Variants in TNPO1 observed in about 807,000 individuals in gnomAD.
TNPO1 encodes the protein transportin 1.
TNPO1 carries 8 observed loss-of-function variants against 119.5 expected under a neutral mutation model. The ratio of observed to expected loss-of-function variants is 0.07; its 90% CI spans 0.04 to 0.12. TNPO1 has a LOEUF of 0.12. Among genes scored for constraint, TNPO1 ranks in the 10% least tolerant of loss-of-function variants. The pLI is 1.00. For synonymous variants in TNPO1, 362 were observed against 363.0 expected, an observed-to-expected ratio of 1.00 and a Z score of 0.03; for missense variants, 576 against 1,089.8, an observed-to-expected ratio of 0.53 and a Z score of 6.64.
chr5:72,861,231 G>A (rs987704865), intron 4 of TNPO1, among the ~76,000 whole-genome samples: 2 of 151,494 alleles, frequency 1.3e-5, no homozygotes, highest in African/African-American at 4.9e-5. Context: ...ATTTTAATTG[G>A]TGGAGCTATT....
intron 21 of TNPO1, 163 bp from the exon 22 acceptor site, chr5:72,900,811 C>T (rs370706470): frequency 1.9e-5 from 8 of 426,268 alleles, no homozygotes; most frequent in Admixed American, 8.6e-5. Flanking sequence ...ATGGGCCCAA[C>T]AAACAGGAAG....
intron 3 of TNPO1, among the ~76,000 whole-genome samples, chr5:72,854,180 A>G (rs1373344438): frequency 1.3e-5 from 2 of 152,186 alleles, no homozygotes; most frequent in Non-Finnish European, 2.9e-5. Context: ...CATTTATTTC[A>G]TGGCAGTTTT....
intron 9 of TNPO1, chr5:72,879,039 A>C: frequency 3.0e-6 from 1 of 336,802 alleles, no homozygotes; most frequent in Non-Finnish European, 6.1e-6. Context: ...TTTTATGTAC[A>C]TAAGCACATC....
rs1745261143 is a variant in TNPO1 at position 72,848,478 on chromosome 5, A to G, written c.109A>G (p.Ile37Val). 1 of 1,608,214 alleles carries G rather than the reference A, an allele frequency of 6.2e-7. No homozygotes were observed. The highest frequency in any genetic ancestry group is 8.5e-7 in the Non-Finnish European group (1 of 1,176,848). ...LKESQSPDTTIQRTVQQKLEQ... is the reference protein window; with the variant it reads ...LKESQSPDTTVQRTVQQKLEQ... ...GGAGTCCCAGTCCCCAGACACCACC[A>G]TCCAGAGAACCGTGCAACAAGTATC... Residue 37 changes from isoleucine to valine, a missense_variant, in exon 2 of 25, where the codon ATC becomes GTC. Physicochemically the swap from Ile to Val is conservative, Grantham distance 29. This residue lies in a region of TNPO1 where 57 missense variants were observed against 59.5 expected (regional missense o/e 0.96). Transcript: ENST00000337273.
rs1750747826 is a variant in TNPO1, at chr5:72,914,387, T to C, written c.*5714T>C. 6.6e-6 allele frequency: 1 copy of C among 152,640 alleles called. No homozygotes were observed. The highest frequency in any genetic ancestry group is 2.4e-5 in the African/African-American group (1 of 41,468). The allele number at this position is 152,640 out of a possible 1,614,324, so 9.5% of individuals were successfully genotyped here. On this transcript the variant is annotated 3_prime_UTR_variant, in exon 25 of 25. Coordinates refer to ENST00000337273, the MANE Select transcript of TNPO1 (RefSeq NM_002270.4). ...CTATGTTAATAAAGTTGTTTAACTA[T>C]AGATGTTGCACTCTGATTTTTAATG...
Position 72,883,751 on chromosome 5 carries a change from T to G in TNPO1, c.1150+519T>G, listed in dbSNP as rs184685981. The stretch of plus-strand genomic sequence containing the variant: ...ACTTTTTTTGTTTGTTTGTTTGTTT[T>G]TTTGTTTTGAGGCAGGGTCTCTGTC... On this transcript the variant is annotated intron_variant, in intron 11 of 24. Coordinates refer to ENST00000337273, the MANE Select transcript of TNPO1 (RefSeq NM_002270.4). 3.2e-3 allele frequency among the ~76,000 whole-genome samples: 483 copies of G among 152,204 alleles called. 3 individuals carry two copies. Among genetic ancestry groups the G allele is most frequent in the African/African-American group, 0.011 (453 of 41,488 alleles).
At chr5:72,843,881 A>G (rs764757607) in intron 1 of TNPO1, among the ~76,000 whole-genome samples, 1 of 152,162 alleles carries the variant, frequency 6.6e-6, no homozygotes, top group African/African-American at 2.4e-5. Flanking sequence ...TTCCTATTGT[A>G]CTTTACCATA....
At chr5:72,856,210 C>A (rs1318383191) in intron 4 of TNPO1, among the ~76,000 whole-genome samples, 1 of 152,042 alleles carries the variant, frequency 6.6e-6, no homozygotes, top group African/African-American at 2.4e-5. Flanking sequence ...ACTACTTTTT[C>A]TTGAGCATGC....
intron 1 of TNPO1, among the ~76,000 whole-genome samples, chr5:72,839,088 T>C (rs1365670466): frequency 6.6e-6 from 1 of 152,156 alleles, no homozygotes; most frequent in African/African-American, 2.4e-5. Flanking sequence ...ATGAAAACTA[T>C]TGGACTAGGG....
Position 72,900,833 on chromosome 5 carries a change from G to A in TNPO1, c.2415-141G>A, listed in dbSNP as rs1477235477. The A allele has an allele frequency of 1.5e-5, 7 of 465,980 alleles. No individual in the cohort carries two copies. The East Asian group carries it at 2.1e-4, about 14-fold the overall frequency. The allele number at this position is 465,980 out of a possible 1,614,324, so 28.9% of individuals were successfully genotyped here. ...CAACAAACAGGAAGTATGAGTAAAC[G>A]AAACTAAAGCTTTCCGAAAAACTCT... On this transcript the variant is annotated intron_variant, in intron 21 of 24. Transcript: ENST00000337273.
chr5:72,895,870 T>C (rs1399797251), intron 18 of TNPO1, among the ~76,000 whole-genome samples: 1 of 152,212 alleles, frequency 6.6e-6, no homozygotes, highest in African/African-American at 2.4e-5. Flanking sequence ...TTGATTGTTT[T>C]TAGTGCTAGT....
At chr5:72,906,954 T>G (rs1207636168) in intron 24 of TNPO1, among the ~76,000 whole-genome samples, 1 of 152,040 alleles carries the variant, frequency 6.6e-6, no homozygotes, top group Non-Finnish European at 1.5e-5. Context: ...GTACACCAAG[T>G]TGAATTACAC....
intron 1 of TNPO1, among the ~76,000 whole-genome samples, chr5:72,847,871 TAAC>T (rs1276804111): frequency 6.6e-6 from 1 of 152,246 alleles, no homozygotes; most frequent in African/African-American, 2.4e-5. Flanking sequence ...TCAGGGAAAT[TAAC>T]AACCTTTTTA....
At chr5:72,848,543 C>A (rs1388361666) in intron 2 of TNPO1, 45 bp downstream of exon 2, 6 of 1,320,706 alleles carry the variant, frequency 4.5e-6, no homozygotes, top group Admixed American at 5.0e-5. Context: ...GCTCGCCCCG[C>A]GCTGCGGCCC....
At chr5:72,851,373 A>G (rs1164051036) in intron 3 of TNPO1, 54 bp downstream of exon 3, 4 of 1,016,326 alleles carry the variant, frequency 3.9e-6, no homozygotes, top group Non-Finnish European at 6.1e-6. Context: ...ACCTGTTTAA[A>G]TGTACTGAGA....
intron 6 of TNPO1, chr5:72,871,890 G>T (rs2112364653): frequency 6.6e-6 from 1 of 152,266 alleles, no homozygotes; most frequent in South Asian, 2.1e-4. Flanking sequence ...GACCTGCAAG[G>T]TAAGGATGAT....
chr5:72,859,638 A>G (rs1258478468), intron 4 of TNPO1, among the ~76,000 whole-genome samples: 1 of 152,230 alleles, frequency 6.6e-6, no homozygotes, highest in Non-Finnish European at 1.5e-5. Context: ...CAGATGAAGT[A>G]AAGATGTTTC....
At chr5:72,874,169 A>G (rs1421201402) in intron 7 of TNPO1, among the ~76,000 whole-genome samples, 6 of 152,162 alleles carry the variant, frequency 3.9e-5, no homozygotes, top group Non-Finnish European at 8.8e-5. Flanking sequence ...TGATAGTCCT[A>G]CAGGATTTAG....
chr5:72,905,349 G>A lies in TNPO1; in HGVS notation c.2636G>A (p.Arg879His), dbSNP rs902671499. The A allele has an allele frequency of 7.4e-6, 12 of 1,611,642 alleles. No individual in the cohort carries two copies. The highest frequency in any genetic ancestry group is 4.0e-5 in the African/African-American group (3 of 74,814). Residue 879 changes from arginine (R) to histidine (H), a missense_variant, in exon 24 of 25, where the codon CGT (arginine) becomes CAT (histidine). Physicochemically the swap from Arg to His is conservative, Grantham distance 29 (BLOSUM62 0). Coordinates refer to ENST00000337273, the MANE Select transcript of TNPO1 (RefSeq NM_002270.4). ...KNQVGDENWR[R>H]FSDQFPLPLK... Reference sequence around the variant, plus strand: ...CAAGTTGGCGATGAAAATTGGAGGCGTTTCTCTGACCAGTTTCCTCTTCCC... The same window carrying A: ...CAAGTTGGCGATGAAAATTGGAGGCATTTCTCTGACCAGTTTCCTCTTCCC...
Sources: gnomAD v4.1 joint callset for allele counts (sites outside exome capture counted in the v4.1 genomes callset) on GRCh38, gnomAD v4.1.1 for gene constraint, gnomAD v4.1.1 regional missense constraint, MANE v1.5 for transcripts, NCBI Gene and HGNC (gene_info 2026-07-23, HGNC 2026-07-21) for gene names.